PYM1: variants seen among roughly 807,000 people sequenced by gnomAD.
The protein encoded by PYM1 is PYM1 exon junction complex associated factor.
Under a neutral mutation model 20.7 loss-of-function variants are expected in PYM1, and 7 were observed. The ratio of observed to expected loss-of-function variants is 0.34; its 90% CI spans 0.19 to 0.64. PYM1 has a LOEUF of 0.64. PYM1 is among the 30% of genes least tolerant of loss of function. The pLI is 0.74. For synonymous variants in PYM1, 100 were observed against 99.2 expected (o/e 1.01, Z -0.05); for missense variants, 194 against 250.0 (o/e 0.78, Z 1.51).
intron 1 of PYM1, among the ~76,000 whole-genome samples, chr12:55,911,790 G>A (rs111269938): frequency 0.011 from 1,640 of 151,722 alleles, 14 homozygotes; most frequent in Non-Finnish European, 0.016. Flanking sequence ...GCAATGAGCC[G>A]AGACTGCGCC....
At chr12:55,914,644 T>C (rs1882976275) in intron 1 of PYM1, among the ~76,000 whole-genome samples, 1 of 152,116 alleles carries the variant, frequency 6.6e-6, no homozygotes, top group South Asian at 2.1e-4. Flanking sequence ...GGGACATGGT[T>C]GTTAAAGGTA....
intron 1 of PYM1, among the ~76,000 whole-genome samples, chr12:55,910,600 G>A (rs565120408): frequency 3.9e-5 from 6 of 152,052 alleles, no homozygotes; most frequent in African/African-American, 4.8e-5. Flanking sequence ...CCACTACCAC[G>A]CCCAGCTAAT....
chr12:55,902,771 G>T (rs557048430), intron 2 of PYM1, among the ~76,000 whole-genome samples: 19 of 150,188 alleles, frequency 1.3e-4, no homozygotes, highest in Admixed American at 6.6e-4. Flanking sequence ...CACTGCGCCT[G>T]CCTGTTTGTT....
chr12:55,926,729 G>A (rs1883194481), intron 1 of PYM1, among the ~76,000 whole-genome samples: 1 of 152,014 alleles, frequency 6.6e-6, no homozygotes. Context: ...AAGAAGGAGG[G>A]CAGGAACTGG....
chr12:55,924,699 C>T (rs576450383), intron 1 of PYM1, among the ~76,000 whole-genome samples: 1 of 152,106 alleles, frequency 6.6e-6, no homozygotes, highest in Non-Finnish European at 1.5e-5. Flanking sequence ...ATTTTTGAGA[C>T]AGAGTCTCGC....
chr12:55,917,257 T>A (rs1883023508), intron 1 of PYM1, among the ~76,000 whole-genome samples: 1 of 150,606 alleles, frequency 6.6e-6, no homozygotes. Flanking sequence ...CCGTCTCTAC[T>A]AAAAATAAAA....
chr12:55,912,815 T>G (rs933618892), intron 1 of PYM1, among the ~76,000 whole-genome samples: 3 of 151,014 alleles, frequency 2.0e-5, no homozygotes, highest in Non-Finnish European at 3.0e-5. Context: ...AATACAAAAA[T>G]TAGCAGGTCA....
chr12:55,902,054 C>A lies in PYM1; in HGVS notation c.433G>T (p.Ala145Ser), dbSNP rs1477928297. Residue 145 changes from alanine (A) to serine (S), a missense_variant, in exon 3 of 3, where the codon GCT becomes TCT. Physicochemically the swap from Ala to Ser is moderately conservative, Grantham distance 99 (BLOSUM62 1). Around this residue, in one of 3 missense-constraint regions of PYM1, gnomAD observed 158 missense variants for 179.0 expected, o/e 0.88. Transcript: ENST00000408946. ...TTCTTGGCTTTCTCAGTGGTGGCAG[C>A]TGAGTCAGGCTGGTCAGATGCAGCT... ...PTAASDQPDS[A>S]ATTEKAKKIK... The A allele has an allele frequency of 1.2e-6, 2 of 1,614,164 alleles. No individual in the cohort carries two copies. Among genetic ancestry groups the A allele is most frequent in the East Asian group, 4.5e-5 (2 of 44,876 alleles).
chr12:55,905,290 T>C (rs1268189578), intron 1 of PYM1, among the ~76,000 whole-genome samples: 4 of 151,702 alleles, frequency 2.6e-5, no homozygotes, highest in African/African-American at 7.3e-5. Flanking sequence ...ATTACAGGTG[T>C]GAGCCACCGT....
At chr12:55,912,736 G>C (rs925763005) in intron 1 of PYM1, among the ~76,000 whole-genome samples, 2 of 151,798 alleles carry the variant, frequency 1.3e-5, no homozygotes. Context: ...AGGCGGAGGC[G>C]GGTGGATCAT....
chr12:55,910,997 A>G (rs1443277332), intron 1 of PYM1, among the ~76,000 whole-genome samples: 3 of 152,250 alleles, frequency 2.0e-5, no homozygotes, highest in Non-Finnish European at 2.9e-5. Context: ...ACAACAGATG[A>G]CAAACGTTTC....
intron 1 of PYM1, chr12:55,927,118 C>A (rs761223830): frequency 1.3e-6 from 2 of 1,550,372 alleles, no homozygotes; most frequent in African/African-American, 2.7e-5. Flanking sequence ...ATCTTGAAAA[C>A]GCAAACCACT....
At chr12:55,919,014 C>G (rs1390803558) in intron 1 of PYM1, among the ~76,000 whole-genome samples, 2 of 152,078 alleles carry the variant, frequency 1.3e-5, no homozygotes, top group Non-Finnish European at 2.9e-5. Context: ...GGGTTAAACA[C>G]CAAAAAAGAT....
At chr12:55,910,840 T>G (rs1882909268) in intron 1 of PYM1, among the ~76,000 whole-genome samples, 1 of 152,214 alleles carries the variant, frequency 6.6e-6, no homozygotes, top group Non-Finnish European at 1.5e-5. Context: ...GCAGGGGGCT[T>G]CCAGGCTATA....
At chr12:55,902,405 G>A (rs756485080) in intron 2 of PYM1, 50 bp from the exon 3 acceptor site, 4 of 1,551,250 alleles carry the variant, frequency 2.6e-6, no homozygotes, top group Admixed American at 2.0e-5. Flanking sequence ...CTGACTTTTT[G>A]ATCCCTTTTC....
intron 1 of PYM1, among the ~76,000 whole-genome samples, chr12:55,905,989 TATAAA>T (rs1170753539): frequency 5.7e-5 from 4 of 69,994 alleles, no homozygotes; most frequent in African/African-American, 1.4e-4. Context: ...TTATATATAA[TATAAA>T]ATAAATAAGT....
intron 1 of PYM1, among the ~76,000 whole-genome samples, chr12:55,912,179 T>C (rs1332504538): frequency 6.6e-6 from 1 of 151,212 alleles, no homozygotes; most frequent in African/African-American, 2.4e-5. Flanking sequence ...TGAAACCCTA[T>C]CTCTACGAAA....
At chr12:55,921,723 C>T (rs568966044) in intron 1 of PYM1, among the ~76,000 whole-genome samples, 1 of 152,102 alleles carries the variant, frequency 6.6e-6, no homozygotes, top group South Asian at 2.1e-4. Context: ...TAAAAGAGTT[C>T]CCAATGTTCA....
intron 1 of PYM1, among the ~76,000 whole-genome samples, chr12:55,921,562 C>T (rs931214091): frequency 2.0e-5 from 3 of 151,838 alleles, no homozygotes; most frequent in Non-Finnish European, 4.4e-5. Context: ...ATAAAAACAC[C>T]TAGTGATCAG....
Sources: gnomAD v4.1 joint callset for allele counts (sites outside exome capture counted in the v4.1 genomes callset) on GRCh38, gnomAD v4.1.1 for gene constraint, gnomAD v4.1.1 regional missense constraint, MANE v1.5 for transcripts, NCBI Gene and HGNC (gene_info 2026-07-23, HGNC 2026-07-21) for gene names.